The following COL6A3 variants were observed in gnomAD, a reference collection of about 807,000 sequenced individuals.
COL6A3 encodes the protein collagen type VI alpha 3 chain, also known as collagen alpha-3(VI) chain.
In COL6A3, 137 loss-of-function variants were observed where a neutral mutation model predicts 274.1. That is an observed-to-expected ratio of 0.50 (90% CI 0.44 to 0.58). The LOEUF is 0.58. Ranked by LOEUF, COL6A3 falls within the 20% of genes least tolerant of loss-of-function variation. The pLI is 0.00. For missense variants in COL6A3, 3,950 were observed against 4,124.9 expected (o/e 0.96, Z 1.16); for synonymous variants, 1,650 against 1,650.6 (o/e 1.00, Z 0.01).
rs771317034 is a variant in COL6A3, at chr2:237,365,725, G to A, written c.5811C>T (p.Phe1937=). The A allele has an allele frequency of 1.2e-6, 2 of 1,614,204 alleles. No homozygotes were observed. The highest frequency in any genetic ancestry group is 3.3e-5 in the Admixed American group (2 of 60,036). The part of the protein sequence containing the change: ...EDTLKVYLNK[F]RQSSPDSVKV... ...TCACGCTGTCCGGCGAGGACTGTCT[G>A]AACTTGTTCAGGTAGACCTTCAGGG... is the stretch of plus-strand genomic sequence containing the variant. The change falls in exon 12 of 44, where the codon TTC becomes TTT. Residue 1937 remains phenylalanine (F), a synonymous_variant. Transcript: ENST00000295550.
Position 237,378,847 on chromosome 2 carries a change from A to G in COL6A3, c.2286T>C (p.Ala762=). The change falls in exon 6 of 44, where the codon GCT becomes GCC. Residue 762 remains alanine, a synonymous_variant. Coordinates refer to ENST00000295550, the MANE Select transcript of COL6A3 (RefSeq NM_004369.4). Reference sequence around the variant, plus strand: ...TGCCCGCGCGTGTCAAGGCGTTGGCAGCTTGCAAATAGGAGTCCTCAGACT... The same window carrying G: ...TGCCCGCGCGTGTCAAGGCGTTGGCGGCTTGCAAATAGGAGTCCTCAGACT... ...AGQSEDSYLQ[A]ANALTRAGIL... 6.2e-7 allele frequency: 1 copy of G among 1,614,250 alleles called. No individual in the cohort carries two copies. The highest frequency in any genetic ancestry group is 8.5e-7 in the Non-Finnish European group (1 of 1,180,046).
rs144451681 is a variant in COL6A3, at chr2:237,339,107, A to T, written c.8475T>A (p.Ala2825=). ...TCCTGATATCTGGGGACAAGTAAAA[A>T]GCATTTTCACCTAAAGAAAAAAAAC... ...LLPSFVSSEN[A]FYLSPDIRKQ... is the part of the protein sequence containing the mutation. Residue 2825 remains alanine, a synonymous_variant, in exon 39 of 44, where the codon GCT becomes GCA. Coordinates refer to ENST00000295550, the MANE Select transcript of COL6A3 (RefSeq NM_004369.4). 1 of 1,613,332 alleles carries T rather than the reference A, an allele frequency of 6.2e-7. No homozygotes were observed. Among genetic ancestry groups the T allele is most frequent in the Non-Finnish European group, 8.5e-7 (1 of 1,179,274 alleles).
At chr2:237,336,662 G>C in intron 39 of COL6A3, 130 bp from the exon 40 acceptor site, 1 of 847,242 alleles carries the variant, frequency 1.2e-6, no homozygotes. Context: ...ATTATGTATA[G>C]CAGTGCATAT....
At chr2:237,356,995 G>T (rs1180767975) in intron 23 of COL6A3, 3 of 383,016 alleles carry the variant, frequency 7.8e-6, no homozygotes, top group South Asian at 4.3e-5. Context: ...CAGCCCTCTT[G>T]CCCCTTATTC....
chr2:237,381,456 G>C lies in COL6A3; in HGVS notation c.1356C>G (p.Gly452=), dbSNP rs761005162. ...AGTTGGCCAGTCCCAGTGCAGATGA[G>C]CCATCCACCAGGAAGACTATGTCTC... ...NKRDIVFLVD[G]SSALGLANFN... is the part of the protein sequence containing the mutation. The change falls in exon 5 of 44, where the codon GGC becomes GGG. Residue 452 remains glycine (G), a synonymous_variant. Transcript: ENST00000295550. 17 of 1,608,512 alleles carry C rather than the reference G, an allele frequency of 1.1e-5. No homozygotes were observed. The East Asian group carries it at 3.6e-4, about 34-fold the overall frequency.
In COL6A3 at chr2:237,344,906, CT is replaced by C; in HGVS notation, c.7174+34del. The C allele has an allele frequency of 6.2e-7, 1 of 1,614,024 alleles. No homozygotes were observed. On this transcript the variant is annotated intron_variant, in intron 35 of 43. Coordinates refer to ENST00000295550, the MANE Select transcript of COL6A3 (RefSeq NM_004369.4). The surrounding 1 kb of genome is among the most constrained non-coding windows in gnomAD (Gnocchi z 4.8). Reference sequence around the variant, plus strand: ...GTACTTACTACAAAAGGGAGGCTTCCTTTCCTTAGGAGAAAGTCACCAAAAT... The same window carrying C: ...GTACTTACTACAAAAGGGAGGCTTCCTTCCTTAGGAGAAAGTCACCAAAAT...
At chr2:237,325,760 A>C in intron 42 of COL6A3, 36 bp from the exon 43 acceptor site, 1 of 1,586,294 alleles carries the variant, frequency 6.3e-7, no homozygotes, top group Non-Finnish European at 8.6e-7. Flanking sequence ...TATTAATGAG[A>C]ACATGCGTGT....
intron 28 of COL6A3, among the ~76,000 whole-genome samples, chr2:237,349,095 C>T (rs1306498267): frequency 6.6e-6 from 1 of 151,962 alleles, no homozygotes; most frequent in African/African-American, 2.4e-5. Flanking sequence ...CATATTCCCC[C>T]TCCCCATATC....
chr2:237,344,283 G>T lies in COL6A3; in HGVS notation c.7668+67C>A, dbSNP rs539455214. On this transcript the variant is annotated intron_variant, in intron 36 of 43. Coordinates refer to ENST00000295550, the MANE Select transcript of COL6A3 (RefSeq NM_004369.4). The surrounding 1 kb of genome is among the most constrained non-coding windows in gnomAD (Gnocchi z 4.8). The stretch of plus-strand genomic sequence containing the variant: ...CATGAAGCCACAAAGGAGCATGGAC[G>T]TGTCTGAGAACCTTCTCAGAGCCCC... 1 of 1,610,572 alleles carries T rather than the reference G, an allele frequency of 6.2e-7. No individual in the cohort carries two copies. The highest frequency in any genetic ancestry group is 1.1e-5 in the South Asian group (1 of 90,734).
Position 237,365,849 on chromosome 2 carries a change from C to A in COL6A3, c.5687G>T (p.Gly1896Val). The A allele has an allele frequency of 6.2e-7, 1 of 1,614,216 alleles. No homozygotes were observed. Among genetic ancestry groups the A allele is most frequent in the African/African-American group, 1.3e-5 (1 of 75,058 alleles). ...RVSVVANTPS[G>V]PVEAFDFDEY... ...GTCAAAGTCAAAGGCCTCCACCGGG[C>A]CCGAGGGCGTGTTGGCCACCACTGA... Residue 1896 changes from glycine (G) to valine (V), a missense_variant, in exon 12 of 44, where the codon GGC becomes GTC. Coordinates refer to ENST00000295550, the MANE Select transcript of COL6A3 (RefSeq NM_004369.4).
chr2:237,327,595 G>A (rs1275404769), intron 42 of COL6A3: 1 of 152,170 alleles, frequency 6.6e-6, no homozygotes, highest in Non-Finnish European at 1.5e-5. Context: ...TAAGGACACT[G>A]TTACTGTGGA....
intron 13 of COL6A3, among the ~76,000 whole-genome samples, chr2:237,363,956 G>C (rs1221733707): frequency 6.6e-6 from 1 of 152,056 alleles, no homozygotes; most frequent in Non-Finnish European, 1.5e-5. Flanking sequence ...GTATTATTTG[G>C]GTGTAGTGTT....
In COL6A3 at chr2:237,396,862, A is replaced by G. The variant is rs760628435; in HGVS notation, c.-30-15T>C. On this transcript the variant is annotated splice_polypyrimidine_tract_variant and intron_variant, in intron 1 of 43. Transcript: ENST00000295550. ...CAAATATGAACCTAAAAGAGAAAAC[A>G]GGGCAAAGGGAATGATCAGTTTTTG... 5.1e-6 allele frequency: 8 copies of G among 1,560,772 alleles called. No homozygotes were observed. The highest frequency in any genetic ancestry group is 1.7e-5 in the Admixed American group (1 of 59,636).
intron 26 of COL6A3, among the ~76,000 whole-genome samples, chr2:237,352,061 G>A (rs1276679218): frequency 1.3e-5 from 2 of 152,172 alleles, no homozygotes; most frequent in Non-Finnish European, 2.9e-5. Flanking sequence ...TAGCTGCTTT[G>A]CAAGATAACA....
At chr2:237,347,288 G>GTC (rs1202192504) in intron 31 of COL6A3, among the ~76,000 whole-genome samples, 5 of 151,232 alleles carry the variant, frequency 3.3e-5, no homozygotes, top group African/African-American at 1.2e-4. Context: ...GTGAGACCTT[G>GTC]TCACACACAC....
intron 3 of COL6A3, 149 bp downstream of exon 3, chr2:237,394,438 C>A (rs556521612): frequency 3.1e-6 from 3 of 976,148 alleles, no homozygotes; most frequent in Non-Finnish European, 1.6e-6. Context: ...GAAGAATATT[C>A]CAAATCAAAC....
rs370060985 is a variant in COL6A3 at position 237,347,931 on chromosome 2, C to T, written c.6967-62G>A. On this transcript the variant is annotated intron_variant, in intron 30 of 43. Transcript: ENST00000295550. ...GGAACAGAAGATCTCACTGAGGGTC[C>T]GTGGGGTAAGACATCCAGGAGACGT... The T allele has an allele frequency of 8.8e-5, 131 of 1,494,190 alleles. No individual in the cohort carries two copies. The African/African-American group carries it at 1.4e-3, about 16-fold the overall frequency. 92.6% of individuals were successfully genotyped at this position (1,494,190 alleles called of 1,614,324 possible). A position where few individuals can be genotyped will look rare whatever the true frequency, so the allele number is the denominator to read the frequency against.
rs1700517262 is a variant in COL6A3 at position 237,335,915 on chromosome 2, A to T, written c.8965+220T>A. The stretch of plus-strand genomic sequence containing the variant: ...CCCCACTGACATTCCAGAGAGAATG[A>T]GAGCTTCCCATCCCTATCGCAAGAC... On this transcript the variant is annotated intron_variant, in intron 40 of 43. Coordinates refer to ENST00000295550, the MANE Select transcript of COL6A3 (RefSeq NM_004369.4). Among the ~76,000 whole-genome samples the T allele has an allele frequency of 2.0e-5, 3 of 152,230 alleles. No homozygotes were observed. In the South Asian group the frequency reaches 6.2e-4, roughly 32 times the overall value.
chr2:237,382,171 T>A (rs950421543), intron 4 of COL6A3, among the ~76,000 whole-genome samples: 2 of 152,100 alleles, frequency 1.3e-5, no homozygotes, highest in Admixed American at 1.3e-4. Context: ...TCATCTGAGT[T>A]CAGGAGCTCA....
Sources: allele counts gnomAD v4.1 joint callset (sites outside exome capture counted in the v4.1 genomes callset), GRCh38; gene constraint gnomAD v4.1.1; non-coding constraint Gnocchi (gnomAD v3.1); transcripts MANE v1.5; gene names NCBI Gene and HGNC (gene_info 2026-07-23, HGNC 2026-07-21).